Variants in CSMD1 observed in about 807,000 individuals in gnomAD.
CSMD1 encodes the protein CUB and Sushi multiple domains 1, also known as CUB and sushi domain-containing protein 1.
A neutral mutation model predicts 417.5 loss-of-function variants in CSMD1; 213 were observed. That is an observed-to-expected ratio of 0.51 (90% confidence interval 0.46 to 0.57). CSMD1 has a LOEUF of 0.57. Among genes scored for constraint, CSMD1 ranks in the 20% least tolerant of loss-of-function variants. The pLI is 0.00. For synonymous variants in CSMD1, 2,862 were observed against 1,736.8 expected (o/e 1.65, Z -16.11); for missense variants, 6,923 against 4,529.7 (o/e 1.53, Z -15.17).
intron 25 of CSMD1, among the ~76,000 whole-genome samples, chr8:3,306,864 T>C (rs919346315): frequency 1.5e-5 from 2 of 137,818 alleles, no homozygotes; most frequent in Non-Finnish European, 3.2e-5. Context: ...TTTAAAAATA[T>C]TACTTTTTGT....
chr8:3,276,453 G>A (rs957026203), intron 26 of CSMD1, among the ~76,000 whole-genome samples: 1 of 152,170 alleles, frequency 6.6e-6, no homozygotes, highest in African/African-American at 2.4e-5. Context: ...TGGTGGCAGA[G>A]AAGAGAGAGC....
intron 1 of CSMD1, among the ~76,000 whole-genome samples, chr8:4,772,789 A>T (rs1796664910): frequency 6.6e-6 from 1 of 152,204 alleles, no homozygotes; most frequent in African/African-American, 2.4e-5. Context: ...TCCAGGGCTT[A>T]AGGTACTCAT....
At chr8:3,593,282 G>A (rs770744878) in intron 8 of CSMD1, among the ~76,000 whole-genome samples, 2 of 152,220 alleles carry the variant, frequency 1.3e-5, no homozygotes, top group African/African-American at 4.8e-5. Flanking sequence ...GAGTAATGCA[G>A]GACTCCTTAG....
chr8:3,613,753 A>T (rs1041142387), intron 8 of CSMD1, among the ~76,000 whole-genome samples: 1 of 150,918 alleles, frequency 6.6e-6, no homozygotes, highest in African/African-American at 2.4e-5. Context: ...AAAAATTACA[A>T]ACAGAAGGAT....
chr8:3,456,441 C>T (rs1156401233), intron 12 of CSMD1, among the ~76,000 whole-genome samples: 1 of 152,298 alleles, frequency 6.6e-6, no homozygotes, highest in Non-Finnish European at 1.5e-5. Flanking sequence ...CTTGGCTCCA[C>T]CCCTTACTCT....
intron 7 of CSMD1, among the ~76,000 whole-genome samples, chr8:3,652,951 T>C (rs1797933537): frequency 6.6e-6 from 1 of 152,164 alleles, no homozygotes; most frequent in African/African-American, 2.4e-5. Context: ...AAGCCCCTTA[T>C]TTTCTCCTGA....
intron 1 of CSMD1, among the ~76,000 whole-genome samples, chr8:4,712,370 C>A (rs1808362500): frequency 6.6e-6 from 1 of 152,162 alleles, no homozygotes. Context: ...GTACATGGCA[C>A]ACACAGAACT....
At chr8:3,716,894 A>G (rs996615144) in intron 6 of CSMD1, among the ~76,000 whole-genome samples, 1 of 152,230 alleles carries the variant, frequency 6.6e-6, no homozygotes, top group South Asian at 2.1e-4. Flanking sequence ...TATTTTGTAC[A>G]TGGTACTAAA....
At chr8:4,698,591 G>A (rs894856375) in intron 1 of CSMD1, among the ~76,000 whole-genome samples, 1 of 113,198 alleles carries the variant, frequency 8.8e-6, no homozygotes, top group African/African-American at 4.0e-5. Flanking sequence ...CAATGGAAAT[G>A]ATAGAAATTT....
intron 1 of CSMD1, among the ~76,000 whole-genome samples, chr8:4,979,410 G>A (rs1326885043): frequency 6.6e-6 from 1 of 152,126 alleles, no homozygotes; most frequent in South Asian, 2.1e-4. Context: ...ACACTATGAG[G>A]AGGAGAGACG....
intron 30 of CSMD1, among the ~76,000 whole-genome samples, chr8:3,213,730 T>C (rs1213209691): frequency 6.6e-6 from 1 of 150,836 alleles, no homozygotes; most frequent in Non-Finnish European, 1.5e-5. Flanking sequence ...AATATATATG[T>C]ATATATGTAA....
At chr8:4,557,649 T>C (rs866759921) in intron 2 of CSMD1, among the ~76,000 whole-genome samples, 13 of 150,962 alleles carry the variant, frequency 8.6e-5, no homozygotes, top group African/African-American at 3.2e-4. Flanking sequence ...AAAGGAAGGA[T>C]GGAAATAAGA....
At chr8:4,335,755 A>G (rs990158486) in intron 3 of CSMD1, among the ~76,000 whole-genome samples, 1 of 152,158 alleles carries the variant, frequency 6.6e-6, no homozygotes, top group Non-Finnish European at 1.5e-5. Context: ...GCAACAAGAT[A>G]GAGTCATCAA....
intron 2 of CSMD1, among the ~76,000 whole-genome samples, chr8:4,555,001 G>A (rs1378435323): frequency 1.3e-5 from 2 of 152,224 alleles, no homozygotes; most frequent in Admixed American, 1.3e-4. Context: ...CACAGAGCCA[G>A]AAGGAGAGCA....
chr8:4,964,356 T>A (rs1407737648), intron 1 of CSMD1, among the ~76,000 whole-genome samples: 2 of 150,256 alleles, frequency 1.3e-5, no homozygotes, highest in Non-Finnish European at 1.5e-5. Context: ...CTACAAAAAG[T>A]ACAAGAAAAA....
At chr8:3,800,475 T>C (rs73658276) in intron 5 of CSMD1, among the ~76,000 whole-genome samples, 3,804 of 152,270 alleles carry the variant, frequency 0.025, 50 homozygotes, top group South Asian at 0.037. Flanking sequence ...GATATCCACA[T>C]GCAAAAATGC....
intron 3 of CSMD1, among the ~76,000 whole-genome samples, chr8:4,378,590 C>T (rs936064203): frequency 6.6e-6 from 1 of 152,084 alleles, no homozygotes; most frequent in Non-Finnish European, 1.5e-5. Flanking sequence ...TTTCAAATAC[C>T]TTGAGTCAAA....
intron 3 of CSMD1, among the ~76,000 whole-genome samples, chr8:4,185,718 TCAGA>T (rs1340973768): frequency 2.0e-5 from 3 of 152,158 alleles, no homozygotes; most frequent in African/African-American, 7.2e-5. Context: ...AATATGTTCG[TCAGA>T]TAGACTCATG....
At chr8:4,839,648 TG>T (rs1800719629) in intron 1 of CSMD1, among the ~76,000 whole-genome samples, 1 of 152,166 alleles carries the variant, frequency 6.6e-6, no homozygotes, top group African/African-American at 2.4e-5. Flanking sequence ...CACACATGGT[TG>T]GGCATGAAAC....
Sources: gnomAD v4.1 joint callset for allele counts (sites outside exome capture counted in the v4.1 genomes callset) on GRCh38, gnomAD v4.1.1 for gene constraint, MANE v1.5 for transcripts, NCBI Gene and HGNC (gene_info 2026-07-23, HGNC 2026-07-21) for gene names.